Variants in TENM3 observed in about 807,000 individuals in gnomAD.
The protein encoded by TENM3 is teneurin transmembrane protein 3, also known as teneurin-3.
In TENM3, 63 loss-of-function variants were observed where a neutral mutation model predicts 255.1. That is an observed-to-expected ratio of 0.25 (90% CI 0.20 to 0.30). The LOEUF (loss-of-function observed/expected upper bound fraction) is 0.30. Ranked by LOEUF, TENM3 falls within the 10% of genes least tolerant of loss-of-function variation. TENM3 has a pLI of 1.00. For synonymous variants in TENM3, 1,306 were observed against 1,322.3 expected, an observed-to-expected ratio of 0.99 and a Z score of 0.27; for missense variants, 2,929 against 3,461.1, an observed-to-expected ratio of 0.85 and a Z score of 3.86.
chr4:182,544,992 G>A (rs928613801), intron 3 of TENM3, among the ~76,000 whole-genome samples: 50 of 152,116 alleles, frequency 3.3e-4, no homozygotes, highest in African/African-American at 1.1e-3. Flanking sequence ...TATTGAAAAC[G>A]TACATGCTGG....
At chr4:181,546,248 C>CT in the TENM3 span, among the ~76,000 whole-genome samples, 2 of 152,182 alleles carry the variant, frequency 1.3e-5, no homozygotes, top group Admixed American at 6.5e-5. Context: ...GTCGCAGCTT[C>CT]TTTTTCCTTC....
chr4:181,888,525 T>TATATATATAC, the TENM3 span, among the ~76,000 whole-genome samples: 4 of 99,848 alleles, frequency 4.0e-5, no homozygotes, highest in African/African-American at 1.5e-4. Flanking sequence ...TGTATATATA[T>TATATATATAC]ACATATATGT....
chr4:182,303,708 T>G (rs1220740893), intron 1 of TENM3, among the ~76,000 whole-genome samples: 3 of 152,136 alleles, frequency 2.0e-5, no homozygotes, highest in Non-Finnish European at 2.9e-5. Context: ...GAACCAACCT[T>G]CTAAGTTTGT....
chr4:181,491,095 C>G, the TENM3 span, among the ~76,000 whole-genome samples: 7 of 151,322 alleles, frequency 4.6e-5, 1 homozygote, highest in South Asian at 1.5e-3. Flanking sequence ...TTACGAATGC[C>G]TAAAAAAAAT....
At chr4:181,654,054 T>G in the TENM3 span, among the ~76,000 whole-genome samples, 1 of 152,032 alleles carries the variant, frequency 6.6e-6, no homozygotes, top group East Asian at 1.9e-4. Context: ...TACACCTCCC[T>G]TACATCCTCA....
At chr4:181,638,534 A>G in the TENM3 span, among the ~76,000 whole-genome samples, 1 of 152,234 alleles carries the variant, frequency 6.6e-6, no homozygotes. Context: ...TCAGAGGTTG[A>G]AATCCTGAAG....
rs116848873 is a variant in TENM3, at chr4:182,174,428, G to T, written c.-76+29674G>T. On this transcript the variant is annotated intron_variant, in intron 1 of 2. Coordinates refer to the TENM3 transcript ENST00000512480. ...AAGCTCTGGATAGCTGCCTACTTTT[G>T]TAGGCACTCTTTTTGTGTTTTTTTT... is the stretch of plus-strand genomic sequence containing the variant. 6.9e-4 allele frequency among the ~76,000 whole-genome samples: 91 copies of T among 131,382 alleles called. No individual in the cohort carries two copies. In the East Asian group the frequency reaches 0.014, roughly 20 times the overall value. The allele number at this position is 131,382 out of a possible 152,430, so 86.2% of individuals were successfully genotyped here. A position where few individuals can be genotyped will look rare whatever the true frequency, so the allele number is the denominator to read the frequency against.
chr4:181,917,716 C>T, the TENM3 span, among the ~76,000 whole-genome samples: 1 of 145,974 alleles, frequency 6.9e-6, no homozygotes, highest in South Asian at 2.2e-4. Context: ...GGCTGGAATG[C>T]AGTGGCATGA....
At chr4:181,550,049 G>A in the TENM3 span, among the ~76,000 whole-genome samples, 21 of 152,222 alleles carry the variant, frequency 1.4e-4, no homozygotes, top group African/African-American at 5.1e-4. Context: ...TTCCAATAAA[G>A]TGTTAGATAA....
At chr4:181,518,023 A>G in the TENM3 span, among the ~76,000 whole-genome samples, 1 of 151,502 alleles carries the variant, frequency 6.6e-6, no homozygotes. Context: ...ATTTGTGTTC[A>G]TCTGTTCATC....
chr4:182,347,166 A>G (rs1286902926), intron 3 of TENM3, among the ~76,000 whole-genome samples: 1 of 152,170 alleles, frequency 6.6e-6, no homozygotes, highest in Non-Finnish European at 1.5e-5. Flanking sequence ...TTAGGCAAGC[A>G]GTCTACAATG....
the TENM3 span, among the ~76,000 whole-genome samples, chr4:182,119,133 A>G: frequency 7.2e-5 from 11 of 152,088 alleles, no homozygotes; most frequent in African/African-American, 2.7e-4. Flanking sequence ...GGGGCTAGAG[A>G]TGAGTATTTC....
chr4:182,738,585 G>T, intron 18 of TENM3, 41 bp downstream of exon 18: 1 of 1,506,092 alleles, frequency 6.6e-7, no homozygotes, highest in Non-Finnish European at 9.0e-7. Context: ...GTAATGTATT[G>T]TTCAGAGATA....
chr4:182,777,286 T>A (rs1400163315), intron 24 of TENM3, among the ~76,000 whole-genome samples: 3 of 152,148 alleles, frequency 2.0e-5, no homozygotes, highest in African/African-American at 7.2e-5. Context: ...TATGTGCCTG[T>A]CACATGGTGG....
chr4:182,551,668 G>C (rs1318686504), intron 3 of TENM3, among the ~76,000 whole-genome samples: 1 of 152,088 alleles, frequency 6.6e-6, no homozygotes, highest in African/African-American at 2.4e-5. Flanking sequence ...TCATTATGCA[G>C]ACCAGTGGAA....
At chr4:182,484,867 A>G (rs1734549070) in intron 3 of TENM3, among the ~76,000 whole-genome samples, 1 of 152,184 alleles carries the variant, frequency 6.6e-6, no homozygotes, top group East Asian at 1.9e-4. Flanking sequence ...TACAGTAGAT[A>G]ATGCAAATAT....
chr4:182,501,358 A>C (rs2151650921), intron 3 of TENM3, among the ~76,000 whole-genome samples: 1 of 111,910 alleles, frequency 8.9e-6, no homozygotes, highest in South Asian at 4.0e-4. Context: ...AAATAGTTAA[A>C]GCTATGTCTA....
intron 3 of TENM3, among the ~76,000 whole-genome samples, chr4:182,371,257 A>ACACACACACACG (rs538983433): frequency 1.3e-5 from 2 of 151,446 alleles, no homozygotes; most frequent in Non-Finnish European, 2.9e-5. Context: ...ACACACACAC[A>ACACACACACACG]CACAGACTTT....
rs1282724654 is a variant in TENM3 at position 182,800,401 on chromosome 4, G to A, written c.*50G>A. ...GCTCACGCCCTGCCCACATTGTCCT[G>A]TGGCACAACCCGAGTGGGACTCTCC... On this transcript the variant is annotated 3_prime_UTR_variant, in exon 28 of 28. Transcript: ENST00000511685. 2 of 1,506,272 alleles carry A rather than the reference G, an allele frequency of 1.3e-6. No individual in the cohort carries two copies. Among genetic ancestry groups the A allele is most frequent in the Admixed American group, 2.1e-5 (1 of 47,334 alleles). 93.3% of individuals were successfully genotyped at this position (1,506,272 alleles called of 1,614,324 possible).
Sources: gnomAD v4.1 joint callset for allele counts (sites outside exome capture counted in the v4.1 genomes callset) on GRCh38, gnomAD v4.1.1 for gene constraint, MANE v1.5 for transcripts, NCBI Gene and HGNC (gene_info 2026-07-23, HGNC 2026-07-21) for gene names.